The following GRID2 variants were observed in gnomAD, a reference collection of about 807,000 sequenced individuals.
GRID2 encodes the protein glutamate ionotropic receptor delta type subunit 2.
A neutral mutation model predicts 114.8 loss-of-function variants in GRID2; 33 were observed. The observed-to-expected ratio is 0.29, with a 90% CI of 0.22 to 0.38. The LOEUF is 0.38. Ranked by LOEUF, GRID2 falls within the 10% of genes least tolerant of loss-of-function variation. The pLI is 1.00. For missense variants in GRID2, 1,184 were observed against 1,257.7 expected (o/e 0.94, Z 0.89); for synonymous variants, 505 against 449.9 (o/e 1.12, Z -1.55).
chr4:93,061,005 A>T (rs563769461), intron 2 of GRID2, among the ~76,000 whole-genome samples: 12 of 152,138 alleles, frequency 7.9e-5, no homozygotes, highest in African/African-American at 2.9e-4. Flanking sequence ...CAGGAGGCTG[A>T]GGCAGGAGAA....
At chr4:93,479,361 T>G (rs913188007) in intron 11 of GRID2, among the ~76,000 whole-genome samples, 2 of 152,072 alleles carry the variant, frequency 1.3e-5, no homozygotes, top group Non-Finnish European at 2.9e-5. Context: ...TGAAATTCAA[T>G]AAAATGAGGT....
chr4:93,542,399 G>A (rs1732739984), intron 13 of GRID2, among the ~76,000 whole-genome samples: 2 of 152,070 alleles, frequency 1.3e-5, no homozygotes, highest in African/African-American at 4.8e-5. Flanking sequence ...AGAAAATGTG[G>A]AAAGAATTAC....
chr4:92,716,374 T>A (rs1735552312), intron 2 of GRID2, among the ~76,000 whole-genome samples: 1 of 152,186 alleles, frequency 6.6e-6, no homozygotes, highest in Non-Finnish European at 1.5e-5. Context: ...AGGAATACTG[T>A]GCATTAATGC....
At chr4:93,604,846 T>C (rs1740047417) in intron 13 of GRID2, among the ~76,000 whole-genome samples, 1 of 152,246 alleles carries the variant, frequency 6.6e-6, no homozygotes, top group Admixed American at 6.5e-5. Flanking sequence ...TTCGGGTATG[T>C]ACATTGGCTT....
At chr4:92,383,780 T>C (rs1462913218) in intron 1 of GRID2, among the ~76,000 whole-genome samples, 1 of 152,004 alleles carries the variant, frequency 6.6e-6, no homozygotes, top group East Asian at 1.9e-4. Context: ...TAATATTCAA[T>C]AGTCAACAGT....
chr4:92,507,244 T>A (rs1641805350), intron 1 of GRID2, among the ~76,000 whole-genome samples: 1 of 151,956 alleles, frequency 6.6e-6, no homozygotes, highest in African/African-American at 2.4e-5. Context: ...GTGTCATATA[T>A]TTCCTGCAGG....
intron 1 of GRID2, among the ~76,000 whole-genome samples, chr4:93,791,832 T>C (rs892063512): frequency 2.0e-5 from 3 of 152,178 alleles, no homozygotes; most frequent in African/African-American, 7.2e-5. Context: ...TTAAATTCTG[T>C]TTTCTGTGAG....
chr4:93,001,968 T>C lies in GRID2; in HGVS notation c.245-83027T>C, dbSNP rs1721034429. ...CATTTTTCAATTTTTTTTCAAGCAG[T>C]GATCAAACAAAAAATTTTACACACT... is the stretch of plus-strand genomic sequence containing the variant. On this transcript the variant is annotated intron_variant, in intron 2 of 15. Transcript: ENST00000282020. 2.0e-5 allele frequency among the ~76,000 whole-genome samples: 3 copies of C among 149,754 alleles called. No homozygotes were observed. In the South Asian group the frequency reaches 6.3e-4, roughly 31 times the overall value.
chr4:92,579,877 T>C (rs1265556018), intron 1 of GRID2, among the ~76,000 whole-genome samples: 1 of 133,944 alleles, frequency 7.5e-6, no homozygotes, highest in Non-Finnish European at 1.7e-5. Context: ...AGACTGTGAC[T>C]ATGATACAGA....
rs530359413 is a variant in GRID2 at position 92,793,552 on chromosome 4, TA to T, written c.244+203277del. Among the ~76,000 whole-genome samples the T allele has an allele frequency of 2.9e-4, 42 of 144,358 alleles. 1 individual carries two copies. The highest frequency in any genetic ancestry group is 8.8e-4 in the South Asian group (4 of 4,542). The allele number at this position is 144,358 out of a possible 152,430, so 94.7% of individuals were successfully genotyped here. ...TTACCCCTGAACATAAAATAAAAATTAAAAAAAAAAAGAAAATAGTTGAAGT... is the reference window on the plus strand; with the variant it reads ...TTACCCCTGAACATAAAATAAAAATTAAAAAAAAAAGAAAATAGTTGAAGT... On this transcript the variant is annotated intron_variant, in intron 2 of 15. Coordinates refer to ENST00000282020, the MANE Select transcript of GRID2 (RefSeq NM_001510.4).
At chr4:92,363,082 C>T (rs1417956498) in intron 1 of GRID2, among the ~76,000 whole-genome samples, 1 of 152,006 alleles carries the variant, frequency 6.6e-6, no homozygotes, top group Non-Finnish European at 1.5e-5. Context: ...GAGGGCATTG[C>T]TTTCAAAATC....
chr4:92,629,271 T>C (rs1730674356), intron 2 of GRID2, among the ~76,000 whole-genome samples: 1 of 152,064 alleles, frequency 6.6e-6, no homozygotes, highest in Non-Finnish European at 1.5e-5. Flanking sequence ...CATTTATAGG[T>C]GTCAGAGTCT....
intron 5 of GRID2, among the ~76,000 whole-genome samples, chr4:93,211,295 T>C (rs935026596): frequency 3.9e-5 from 6 of 152,136 alleles, no homozygotes; most frequent in African/African-American, 1.4e-4. Flanking sequence ...TAGACTAGCA[T>C]GTATTTCATT....
intron 4 of GRID2, among the ~76,000 whole-genome samples, chr4:93,128,535 T>C (rs983340497): frequency 4.6e-5 from 7 of 152,188 alleles, no homozygotes; most frequent in Non-Finnish European, 1.0e-4. Context: ...GAAATGTTAA[T>C]GGTGGTTTAA....
chr4:93,806,053 C>T lies in GRID2; in HGVS notation c.222-662C>T, dbSNP rs376152979. Among the ~76,000 whole-genome samples, 111 of 152,002 alleles carry T rather than the reference C, an allele frequency of 7.3e-4. 1 individual carries two copies. Among genetic ancestry groups the T allele is most frequent in the South Asian group, 2.5e-3 (12 of 4,822 alleles). Reference sequence around the variant, plus strand: ...TGGAGGTTGCAGTGAGCTGAGATAACGCCACAGCACTCCCGCCTGGGCAAG... The same window carrying T: ...TGGAGGTTGCAGTGAGCTGAGATAATGCCACAGCACTCCCGCCTGGGCAAG... On this transcript the variant is annotated intron_variant, in intron 1 of 1. Coordinates refer to the GRID2 transcript ENST00000637838.
intron 1 of GRID2, among the ~76,000 whole-genome samples, chr4:92,482,406 A>G (rs1305451705): frequency 6.6e-6 from 1 of 152,052 alleles, no homozygotes; most frequent in Non-Finnish European, 1.5e-5. Flanking sequence ...CAATATACCC[A>G]TGTAACAAAC....
At chr4:93,287,928 T>A (rs962299069) in intron 8 of GRID2, among the ~76,000 whole-genome samples, 1 of 152,224 alleles carries the variant, frequency 6.6e-6, no homozygotes, top group Non-Finnish European at 1.5e-5. Flanking sequence ...GTTGAAAGGA[T>A]GAAGGCATAA....
intron 2 of GRID2, among the ~76,000 whole-genome samples, chr4:92,866,710 ATT>A (rs553446965): frequency 2.9e-4 from 42 of 142,936 alleles, no homozygotes; most frequent in African/African-American, 9.2e-4. Flanking sequence ...TGCCCGGCTA[ATT>A]TTTTTTTTTT....
chr4:92,347,208 T>G (rs892704226), intron 1 of GRID2, among the ~76,000 whole-genome samples: 1 of 152,218 alleles, frequency 6.6e-6, no homozygotes, highest in African/African-American at 2.4e-5. Flanking sequence ...AATGATGAGT[T>G]CATTTTAAAT....
Sources: allele counts gnomAD v4.1 joint callset (sites outside exome capture counted in the v4.1 genomes callset), GRCh38; gene constraint gnomAD v4.1.1; transcripts MANE v1.5; gene names NCBI Gene and HGNC (gene_info 2026-07-23, HGNC 2026-07-21).